Variants in SETD2 observed in about 807,000 individuals in gnomAD.
SETD2 encodes SET domain containing 2, histone lysine methyltransferase.
SETD2 carries 31 observed loss-of-function variants against 242.1 expected under a neutral mutation model. The observed-to-expected ratio is 0.13, with a 90% CI of 0.10 to 0.17. SETD2 has a LOEUF of 0.17. SETD2 is among the 10% of genes least tolerant of loss of function. The probability of loss-of-function intolerance (pLI) is 1.00; values close to 1 mark genes in which losing one functional copy is unlikely to be tolerated. For synonymous variants in SETD2, 1,006 were observed against 1,066.5 expected, an observed-to-expected ratio of 0.94 and a Z score of 1.11; for missense variants, 2,481 against 3,046.3, an observed-to-expected ratio of 0.81 and a Z score of 4.37.
chr3:47,114,572 C>T (rs1349685482), intron 4 of SETD2, among the ~76,000 whole-genome samples: 2 of 151,986 alleles, frequency 1.3e-5, no homozygotes, highest in South Asian at 2.1e-4. Flanking sequence ...AAGGTTTTAA[C>T]GATGATTAAA....
At chr3:47,118,086 A>G (rs566548606) in intron 3 of SETD2, among the ~76,000 whole-genome samples, 1 of 152,302 alleles carries the variant, frequency 6.6e-6, no homozygotes, top group East Asian at 1.9e-4. Flanking sequence ...AAGTGCCTCA[A>G]GAGTGTTATG....
chr3:47,102,768 T>C (rs1473770681), intron 7 of SETD2, among the ~76,000 whole-genome samples: 2 of 61,450 alleles, frequency 3.3e-5, no homozygotes, highest in South Asian at 5.1e-4. Context: ...CGCTCCAGCC[T>C]GGGCAAAAAA....
intron 12 of SETD2, among the ~76,000 whole-genome samples, chr3:47,073,932 T>C (rs2040938785): frequency 6.6e-6 from 1 of 152,192 alleles, no homozygotes; most frequent in South Asian, 2.1e-4. Flanking sequence ...AATTTGGCAA[T>C]GCTTATCAAA....
At chr3:47,116,569 TAG>T (rs1184106053) in intron 4 of SETD2, 52 bp downstream of exon 4, 1 of 1,538,208 alleles carries the variant, frequency 6.5e-7, no homozygotes, top group Non-Finnish European at 8.8e-7. Flanking sequence ...ATTCAATATT[TAG>T]AGACATTTAA....
At chr3:47,157,801 G>C (rs2044159841) in intron 1 of SETD2, among the ~76,000 whole-genome samples, 1 of 151,484 alleles carries the variant, frequency 6.6e-6, no homozygotes, top group Non-Finnish European at 1.5e-5. Flanking sequence ...TAAACCCAGG[G>C]GGCAGAGGTT....
chr3:47,129,809 G>A (rs563682542), intron 1 of SETD2, among the ~76,000 whole-genome samples: 16 of 151,928 alleles, frequency 1.1e-4, no homozygotes, highest in East Asian at 3.9e-4. Flanking sequence ...CGCTTGAACC[G>A]GGAAGCGGAG....
intron 18 of SETD2, among the ~76,000 whole-genome samples, chr3:47,022,233 A>ACACACACACACACAC (rs1553674330): frequency 6.8e-6 from 1 of 146,606 alleles, no homozygotes; most frequent in Non-Finnish European, 1.5e-5. Flanking sequence ...ACACACACAC[A>ACACACACACACACAC]AATTTAGCAC....
intron 19 of SETD2, among the ~76,000 whole-genome samples, chr3:47,019,005 G>A (rs947213153): frequency 6.6e-6 from 1 of 152,194 alleles, no homozygotes; most frequent in East Asian, 1.9e-4. Flanking sequence ...TCACACAGCT[G>A]TCGCTACTTA....
chr3:47,093,574 G>A (rs1158605515), intron 9 of SETD2, among the ~76,000 whole-genome samples: 1 of 152,088 alleles, frequency 6.6e-6, no homozygotes, highest in African/African-American at 2.4e-5. Context: ...ATGAGCCACT[G>A]CGCCTGGCCC....
chr3:47,093,773 C>T (rs991761258), intron 9 of SETD2, among the ~76,000 whole-genome samples: 1 of 152,158 alleles, frequency 6.6e-6, no homozygotes, highest in Non-Finnish European at 1.5e-5. Context: ...GGTTGTCCCT[C>T]ATTTACACCC....
intron 9 of SETD2, among the ~76,000 whole-genome samples, chr3:47,096,791 A>G (rs1306164226): frequency 6.6e-6 from 1 of 152,130 alleles, no homozygotes; most frequent in Non-Finnish European, 1.5e-5. Context: ...TACATTTTTT[A>G]AAAGAGAGAG....
At chr3:47,093,704 G>T (rs2041895777) in intron 9 of SETD2, among the ~76,000 whole-genome samples, 1 of 152,038 alleles carries the variant, frequency 6.6e-6, no homozygotes, top group African/African-American at 2.4e-5. Flanking sequence ...AGGAACTGCT[G>T]GCTCATATGG....
chr3:47,084,887 T>C (rs967778165), intron 11 of SETD2, among the ~76,000 whole-genome samples: 1 of 150,110 alleles, frequency 6.7e-6, no homozygotes, highest in Non-Finnish European at 1.5e-5. Context: ...TGCACCACCA[T>C]GCACAGCTTT....
chr3:47,107,332 A>C (rs904994283), intron 5 of SETD2, among the ~76,000 whole-genome samples: 1 of 152,202 alleles, frequency 6.6e-6, no homozygotes, highest in Non-Finnish European at 1.5e-5. Flanking sequence ...TAAAGGAGTT[A>C]ACTTCGCCAA....
chr3:47,132,524 A>C (rs1000945970), intron 1 of SETD2, among the ~76,000 whole-genome samples: 1 of 152,200 alleles, frequency 6.6e-6, no homozygotes, highest in African/African-American at 2.4e-5. Context: ...TGTACAGGAC[A>C]CTTAAGATTC....
chr3:47,160,264 A>G (rs1390216881), intron 1 of SETD2, among the ~76,000 whole-genome samples: 1 of 151,918 alleles, frequency 6.6e-6, no homozygotes, highest in Non-Finnish European at 1.5e-5. Context: ...CCACTTTCCA[A>G]AGCACTTACC....
At chr3:47,033,811 C>G (rs1357895791) in intron 18 of SETD2, among the ~76,000 whole-genome samples, 1 of 152,044 alleles carries the variant, frequency 6.6e-6, no homozygotes, top group Non-Finnish European at 1.5e-5. Flanking sequence ...ACCATGTGCT[C>G]AGGCATGTGC....
chr3:47,115,462 G>T (rs1477209892), intron 4 of SETD2, among the ~76,000 whole-genome samples: 1 of 151,858 alleles, frequency 6.6e-6, no homozygotes, highest in Admixed American at 6.6e-5. Flanking sequence ...CTCTAGTTTG[G>T]ATAAAAGAAT....
In SETD2 at chr3:47,017,370, G is replaced by A. The variant is rs962748637; in HGVS notation, c.7534-116C>T. On this transcript the variant is annotated intron_variant, in intron 20 of 20. Coordinates refer to ENST00000409792, the MANE Select transcript of SETD2 (RefSeq NM_014159.7). This position sits in a 1 kb window ranked among gnomAD's most constrained non-coding sequence, Gnocchi z 4.8. Reference sequence around the variant, plus strand: ...CTTCAGGGCCCTTCTCACCAAGACAGGAAGTTAATAAGGGGGTAGATGTTG... The same window carrying A: ...CTTCAGGGCCCTTCTCACCAAGACAAGAAGTTAATAAGGGGGTAGATGTTG... The A allele has an allele frequency of 3.6e-6, 4 of 1,120,172 alleles. No individual in the cohort carries two copies. The highest frequency in any genetic ancestry group is 3.0e-5 in the South Asian group (2 of 67,022). The allele number at this position is 1,120,172 out of a possible 1,614,324, so 69.4% of individuals were successfully genotyped here.
Sources: allele counts gnomAD v4.1 joint callset (sites outside exome capture counted in the v4.1 genomes callset), GRCh38; gene constraint gnomAD v4.1.1; non-coding constraint Gnocchi (gnomAD v3.1); transcripts MANE v1.5; gene names NCBI Gene and HGNC (gene_info 2026-07-23, HGNC 2026-07-21).